Variants in ATP13A4 observed in about 807,000 individuals in gnomAD.
The protein encoded by ATP13A4 is probable cation-transporting ATPase 13A4.
ATP13A4 carries 114 observed loss-of-function variants against 142.5 expected under a neutral mutation model. The ratio of observed to expected loss-of-function variants is 0.80; its 90% CI spans 0.69 to 0.93. The LOEUF (loss-of-function observed/expected upper bound fraction) is 0.93. ATP13A4 is among the 40% of genes least tolerant of loss of function. The pLI is 0.00. For synonymous variants in ATP13A4, 488 were observed against 514.8 expected, an observed-to-expected ratio of 0.95 and a Z score of 0.70; for missense variants, 1,392 against 1,454.0, an observed-to-expected ratio of 0.96 and a Z score of 0.69.
Position 193,440,228 on chromosome 3 carries a change from C to G in ATP13A4, c.2519+330G>C, listed in dbSNP as rs1181559974. ...TCACTGTCCCTCCAGGAGCTGAGCT[C>G]AAGCCACCTTTCCATTCTTATTTCT... On this transcript the variant is annotated intron_variant, in intron 21 of 29. Coordinates refer to ENST00000342695, the MANE Select transcript of ATP13A4 (RefSeq NM_032279.4). 6.4e-5 allele frequency: 20 copies of G among 311,610 alleles called. No individual in the cohort carries two copies. In the Admixed American group the frequency reaches 9.2e-4, roughly 14 times the overall value. The allele number at this position is 311,610 out of a possible 1,614,324, so 19.3% of individuals were successfully genotyped here. A position where few individuals can be genotyped will look rare whatever the true frequency, so the allele number is the denominator to read the frequency against.
intron 2 of ATP13A4, among the ~76,000 whole-genome samples, chr3:193,507,447 G>C (rs73063934): frequency 0.045 from 6,843 of 152,022 alleles, 488 homozygotes; most frequent in African/African-American, 0.15. Flanking sequence ...CTAGAATATA[G>C]GATTTAGTTA....
intron 14 of ATP13A4, among the ~76,000 whole-genome samples, chr3:193,457,840 T>C (rs1717726255): frequency 6.6e-6 from 1 of 152,242 alleles, no homozygotes; most frequent in Non-Finnish European, 1.5e-5. Flanking sequence ...TTCACGGCTC[T>C]TCCTGCCCTT....
At chr3:193,502,224 T>C (rs1720588157) in intron 3 of ATP13A4, among the ~76,000 whole-genome samples, 1 of 152,242 alleles carries the variant, frequency 6.6e-6, no homozygotes, top group Non-Finnish European at 1.5e-5. Flanking sequence ...TATTTCTAAA[T>C]TTATTGAATT....
At chr3:193,440,284 A>T (rs905114674) in intron 21 of ATP13A4, 22 of 435,930 alleles carry the variant, frequency 5.0e-5, no homozygotes, top group African/African-American at 4.4e-4. Context: ...CTTAGGTTCT[A>T]GTCCAGTGGT....
At chr3:193,511,436 G>A (rs770029597) in intron 2 of ATP13A4, among the ~76,000 whole-genome samples, 21 of 152,172 alleles carry the variant, frequency 1.4e-4, no homozygotes, top group African/African-American at 1.9e-4. Flanking sequence ...ACCTTCCCTC[G>A]TGTCCGTTGT....
In ATP13A4 at chr3:193,401,285, A is replaced by T. The variant is rs1427113520; in HGVS notation, c.*1367T>A. Among the ~76,000 whole-genome samples the T allele has an allele frequency of 1.3e-5, 2 of 152,190 alleles. No individual in the cohort carries two copies. The highest frequency in any genetic ancestry group is 2.9e-5 in the Non-Finnish European group (2 of 68,038). On this transcript the variant is annotated 3_prime_UTR_variant, in exon 30 of 30. Coordinates refer to ENST00000342695, the MANE Select transcript of ATP13A4 (RefSeq NM_032279.4). ...AGAGTTCAGTGTTGTCTCCTGAGGTAACAGAAACCTGAGTCTTCCTTGTGC... is the reference window on the plus strand; with the variant it reads ...AGAGTTCAGTGTTGTCTCCTGAGGTTACAGAAACCTGAGTCTTCCTTGTGC...
Position 193,554,870 on chromosome 3 carries a change from G to C in ATP13A4, c.-71C>G, listed in dbSNP as rs919806229. The C allele has an allele frequency of 6.2e-7, 1 of 1,612,856 alleles. No individual in the cohort carries two copies. The highest frequency in any genetic ancestry group is 1.1e-5 in the South Asian group (1 of 91,012). On this transcript the variant is annotated 5_prime_UTR_variant, in exon 1 of 30. Transcript: ENST00000342695. ...CTTCCAGGATGAACTCCAACTCGCC[G>C]AGCCACCGCAGCTCCTCAGCTGACT...
At chr3:193,538,715 G>A (rs1010785695) in intron 1 of ATP13A4, among the ~76,000 whole-genome samples, 3 of 151,738 alleles carry the variant, frequency 2.0e-5, no homozygotes, top group Non-Finnish European at 4.4e-5. Context: ...TTAATAATAT[G>A]AGACCAAAAA....
chr3:193,419,193 C>A (rs765667406), intron 25 of ATP13A4, among the ~76,000 whole-genome samples: 2 of 150,118 alleles, frequency 1.3e-5, no homozygotes, highest in African/African-American at 2.5e-5. Flanking sequence ...CTGCACCCTG[C>A]CCCTAGGGAC....
chr3:193,445,684 G>T (rs6774401), intron 18 of ATP13A4, among the ~76,000 whole-genome samples: 94,057 of 151,804 alleles, frequency 0.62, 30,990 homozygotes, highest in Non-Finnish European at 0.74. Flanking sequence ...TTGAACCCGG[G>T]AGTCGGAGGT....
intron 2 of ATP13A4, among the ~76,000 whole-genome samples, chr3:193,576,249 CTTTTTTTTTTTTTTTT>C (rs59910562): frequency 0.056 from 3,040 of 54,544 alleles, 69 homozygotes; most frequent in East Asian, 0.083. Flanking sequence ...TTGAATCAAT[CTTTTTTTTTTTTTTTT>C]TTTTTTTTTT....
intron 26 of ATP13A4, 49 bp downstream of exon 26, chr3:193,414,530 T>C (rs1056833392): frequency 6.3e-7 from 1 of 1,599,744 alleles, no homozygotes; most frequent in Non-Finnish European, 8.6e-7. Context: ...CAGAGGATGT[T>C]TGATAGAAAT....
Position 193,564,398 on chromosome 3 carries a change from T to C in ATP13A4, n.291+17309A>G, listed in dbSNP as rs75628962. ...GCAGGAACTTATGAAGATGTTTATC[T>C]CAAGGAACAGGAGATTTAGGAAGTA... On this transcript the variant is annotated intron_variant and non_coding_transcript_variant, in intron 2 of 3. Coordinates refer to the ATP13A4 transcript ENST00000489140. 2.9e-3 allele frequency among the ~76,000 whole-genome samples: 443 copies of C among 152,356 alleles called. 3 individuals are homozygous for C. The highest frequency in any genetic ancestry group is 0.017 in the South Asian group (80 of 4,826).
chr3:193,529,733 T>A (rs1314224483), intron 1 of ATP13A4, among the ~76,000 whole-genome samples: 1 of 152,230 alleles, frequency 6.6e-6, no homozygotes, highest in African/African-American at 2.4e-5. Context: ...AGAGGAATGA[T>A]AACAGTAGCC....
chr3:193,568,127 T>C (rs1259416477), intron 2 of ATP13A4, among the ~76,000 whole-genome samples: 1 of 151,938 alleles, frequency 6.6e-6, no homozygotes, highest in Admixed American at 6.6e-5. Flanking sequence ...ACCCGGCTAA[T>C]TTTTTGTATT....
chr3:193,565,154 C>A (rs1724107728), intron 2 of ATP13A4, among the ~76,000 whole-genome samples: 1 of 152,162 alleles, frequency 6.6e-6, no homozygotes, highest in African/African-American at 2.4e-5. Context: ...GAAACCACCG[C>A]CCCCGACTCC....
intron 3 of ATP13A4, among the ~76,000 whole-genome samples, chr3:193,498,647 G>T (rs567519897): frequency 6.6e-6 from 1 of 152,244 alleles, no homozygotes; most frequent in South Asian, 2.1e-4. Flanking sequence ...TGCATTCTGG[G>T]CATAATATTT....
upstream of ATP13A4, among the ~76,000 whole-genome samples, chr3:193,558,935 G>A (rs574513391): frequency 3.3e-4 from 51 of 152,246 alleles, no homozygotes; most frequent in African/African-American, 1.2e-3. Context: ...TGGCATCTCG[G>A]TTTGCTTTTG....
At chr3:193,477,252 T>C (rs994795377) in intron 8 of ATP13A4, among the ~76,000 whole-genome samples, 5 of 152,110 alleles carry the variant, frequency 3.3e-5, no homozygotes, top group African/African-American at 9.7e-5. Flanking sequence ...CTCTTTATAT[T>C]TTAGAGCTAT....
Sources: allele counts gnomAD v4.1 joint callset (sites outside exome capture counted in the v4.1 genomes callset), GRCh38; gene constraint gnomAD v4.1.1; transcripts MANE v1.5; gene names NCBI Gene and HGNC (gene_info 2026-07-23, HGNC 2026-07-21).